GRIK1: variants seen among roughly 807,000 people sequenced by gnomAD.
GRIK1 encodes the protein glutamate ionotropic receptor kainate type subunit 1, also known as glutamate receptor ionotropic, kainate 1.
GRIK1 carries 69 observed loss-of-function variants against 105.7 expected under a neutral mutation model. That is an observed-to-expected ratio of 0.65 (90% CI 0.54 to 0.80). GRIK1 has a LOEUF of 0.80. Among genes scored for constraint, GRIK1 ranks in the 30% least tolerant of loss-of-function variants. The probability of loss-of-function intolerance (pLI) is 0.00; values close to 1 mark genes in which losing one functional copy is unlikely to be tolerated. For synonymous variants in GRIK1, 438 were observed against 431.3 expected, an observed-to-expected ratio of 1.02 and a Z score of -0.19; for missense variants, 1,109 against 1,167.3, an observed-to-expected ratio of 0.95 and a Z score of 0.73.
chr21:29,803,088 TTACGATCTGAATTTG>T, intron 1 of GRIK1, among the ~76,000 whole-genome samples: 1 of 152,150 alleles, frequency 6.6e-6, no homozygotes, highest in Non-Finnish European at 1.5e-5. Flanking sequence ...ATGTGGATAT[TTACGATCTGAATTTG>T]ATGAGTGGAT....
intron 1 of GRIK1, among the ~76,000 whole-genome samples, chr21:29,756,305 G>C (rs141046451): frequency 4.6e-5 from 7 of 151,914 alleles, no homozygotes; most frequent in Non-Finnish European, 8.8e-5. Context: ...GGCGTGAACC[G>C]GGGAGGCAGA....
intron 1 of GRIK1, among the ~76,000 whole-genome samples, chr21:29,899,016 G>A (rs1424887294): frequency 1.3e-5 from 2 of 151,890 alleles, no homozygotes; most frequent in Non-Finnish European, 2.9e-5. Context: ...TAATCTAATG[G>A]CTTTTTTCAT....
intron 1 of GRIK1, among the ~76,000 whole-genome samples, chr21:29,809,765 T>A (rs1365866772): frequency 2.0e-5 from 3 of 152,192 alleles, no homozygotes; most frequent in East Asian, 1.9e-4. Context: ...TTTCTAGCTC[T>A]TGATTTTAAG....
chr21:29,819,450 C>T (rs919355983), intron 1 of GRIK1, among the ~76,000 whole-genome samples: 1 of 151,862 alleles, frequency 6.6e-6, no homozygotes, highest in African/African-American at 2.4e-5. Context: ...GGGCTACCAG[C>T]ATGGTTTCTA....
chr21:29,677,945 C>A (rs1439093211), intron 3 of GRIK1, among the ~76,000 whole-genome samples: 1 of 152,174 alleles, frequency 6.6e-6, no homozygotes, highest in Non-Finnish European at 1.5e-5. Context: ...ACACCGCAGT[C>A]CAATCCATTG....
intron 1 of GRIK1, among the ~76,000 whole-genome samples, chr21:29,717,328 C>T (rs1227806933): frequency 6.6e-6 from 1 of 152,182 alleles, no homozygotes; most frequent in Non-Finnish European, 1.5e-5. Flanking sequence ...TCCTCCAGAC[C>T]CCAGGATGAT....
intron 1 of GRIK1, among the ~76,000 whole-genome samples, chr21:29,937,436 C>T (rs1444320106): frequency 6.6e-6 from 1 of 152,176 alleles, no homozygotes; most frequent in East Asian, 1.9e-4. Context: ...TATCTTGTTG[C>T]ATATATTTGT....
At chr21:29,921,227 A>G (rs990078888) in intron 1 of GRIK1, among the ~76,000 whole-genome samples, 3 of 152,162 alleles carry the variant, frequency 2.0e-5, no homozygotes, top group Non-Finnish European at 2.9e-5. Flanking sequence ...AATGACTCGC[A>G]GTTGCATACA....
intron 1 of GRIK1, among the ~76,000 whole-genome samples, chr21:29,819,078 C>T (rs2067230051): frequency 6.6e-6 from 1 of 152,020 alleles, no homozygotes; most frequent in Non-Finnish European, 1.5e-5. Context: ...CATGTATGTA[C>T]ATATTTGCAG....
At chr21:29,635,704 ATAAG>A (rs1482034846) in intron 7 of GRIK1, among the ~76,000 whole-genome samples, 1 of 152,214 alleles carries the variant, frequency 6.6e-6, no homozygotes, top group Non-Finnish European at 1.5e-5. Flanking sequence ...CAGGAAAGGA[ATAAG>A]TGAGTGTTTC....
intron 1 of GRIK1, among the ~76,000 whole-genome samples, chr21:29,911,651 T>C (rs1215308329): frequency 6.6e-6 from 1 of 151,946 alleles, no homozygotes; most frequent in Non-Finnish European, 1.5e-5. Flanking sequence ...ATGGTTTAGG[T>C]GAGGTCATTA....
intron 1 of GRIK1, among the ~76,000 whole-genome samples, chr21:29,854,846 T>C (rs182230920): frequency 2.5e-3 from 379 of 152,144 alleles, no homozygotes; most frequent in Admixed American, 5.4e-3. Context: ...GGGTCATCAT[T>C]TGAGATTTTT....
chr21:29,803,554 G>A (rs766504571), intron 1 of GRIK1, among the ~76,000 whole-genome samples: 2 of 152,026 alleles, frequency 1.3e-5, no homozygotes, highest in Non-Finnish European at 2.9e-5. Flanking sequence ...GGTATAAGCT[G>A]GTGAGAGAAA....
intron 1 of GRIK1, among the ~76,000 whole-genome samples, chr21:29,774,505 G>A (rs2065894003): frequency 7.2e-6 from 1 of 139,266 alleles, no homozygotes; most frequent in South Asian, 2.4e-4. Flanking sequence ...AGGCTGGAGT[G>A]CAGTGGCACG....
intron 1 of GRIK1, among the ~76,000 whole-genome samples, chr21:29,822,755 G>T (rs142764736): frequency 2.0e-5 from 3 of 152,042 alleles, no homozygotes; most frequent in South Asian, 2.1e-4. Flanking sequence ...AGAAAACTAA[G>T]CTCTTCAACA....
At chr21:29,606,912 TG>T (rs2061633337) in intron 7 of GRIK1, among the ~76,000 whole-genome samples, 1 of 152,170 alleles carries the variant, frequency 6.6e-6, no homozygotes, top group South Asian at 2.1e-4. Flanking sequence ...CCTCCACAAC[TG>T]GGTGCAGGCA....
At chr21:29,867,665 A>G (rs2068843826) in intron 1 of GRIK1, among the ~76,000 whole-genome samples, 1 of 152,016 alleles carries the variant, frequency 6.6e-6, no homozygotes, top group Non-Finnish European at 1.5e-5. Flanking sequence ...ATGGTGGCGC[A>G]TGCCTATAAT....
At chr21:29,771,133 T>C (rs2065802471) in intron 1 of GRIK1, among the ~76,000 whole-genome samples, 1 of 152,138 alleles carries the variant, frequency 6.6e-6, no homozygotes. Context: ...ACATTTGAGG[T>C]TTTAATAAAT....
intron 1 of GRIK1, among the ~76,000 whole-genome samples, chr21:29,796,519 A>G (rs2832443): frequency 0.41 from 61,610 of 151,974 alleles, 14,440 homozygotes; most frequent in South Asian, 0.55. Flanking sequence ...CATATAAAAT[A>G]TTATGTAAGC....
Sources: allele counts gnomAD v4.1 joint callset (sites outside exome capture counted in the v4.1 genomes callset), GRCh38; gene constraint gnomAD v4.1.1; transcripts MANE v1.5; gene names NCBI Gene and HGNC (gene_info 2026-07-23, HGNC 2026-07-21).